ANO2: variants seen among roughly 807,000 people sequenced by gnomAD.
ANO2 encodes anoctamin 2, also known as anoctamin-2.
In ANO2, 101 loss-of-function variants were observed where a neutral mutation model predicts 124.2. That is an observed-to-expected ratio of 0.81 (90% CI 0.69 to 0.96). The LOEUF is 0.96. ANO2 is among the 40% of genes least tolerant of loss of function. ANO2 has a pLI of 0.00. For synonymous variants in ANO2, 486 were observed against 482.5 expected, an observed-to-expected ratio of 1.01 and a Z score of -0.09; for missense variants, 1,293 against 1,274.5, an observed-to-expected ratio of 1.01 and a Z score of -0.22.
intron 23 of ANO2, among the ~76,000 whole-genome samples, chr12:5,575,020 C>T (rs940164390): frequency 6.6e-6 from 1 of 152,140 alleles, no homozygotes; most frequent in Admixed American, 6.6e-5. Flanking sequence ...TATCCAACAG[C>T]CCACATTTGT....
At position 5,612,638 on chromosome 12, in the gene ANO2, G is replaced by C; in HGVS notation, c.2087+18C>G. 1 of 1,606,334 alleles carries C rather than the reference G, an allele frequency of 6.2e-7. No homozygotes were observed. Among genetic ancestry groups the C allele is most frequent in the Non-Finnish European group, 8.5e-7 (1 of 1,173,014 alleles). ...CCCCTGGCAGCAAGGAGAGAGGTTA[G>C]AGGAGTTCATTACATACGGGACTCC... On this transcript the variant is annotated intron_variant, in intron 19 of 24. Coordinates refer to ENST00000682330, the MANE Select transcript of ANO2 (RefSeq NM_001364791.2).
In ANO2 at chr12:5,925,381, A is replaced by C. The variant is rs1050131040; in HGVS notation, c.23-2577T>G. 6.6e-6 allele frequency among the ~76,000 whole-genome samples: 1 copy of C among 152,134 alleles called. No homozygotes were observed. Among genetic ancestry groups the C allele is most frequent in the African/African-American group, 2.4e-5 (1 of 41,412 alleles). ...CCCCGGCTCGCTCTCTGACACACGG[A>C]TCCGGCTGCCTGGGAACTCTGCTTC... On this transcript the variant is annotated intron_variant, in intron 1 of 24. Coordinates refer to ENST00000682330, the MANE Select transcript of ANO2 (RefSeq NM_001364791.2). This position sits in a 1 kb window ranked among gnomAD's most constrained non-coding sequence, Gnocchi z 4.6.
chr12:5,800,501 T>C (rs1953005975), intron 9 of ANO2, among the ~76,000 whole-genome samples: 1 of 152,120 alleles, frequency 6.6e-6, no homozygotes, highest in Non-Finnish European at 1.5e-5. Flanking sequence ...ACTGGAATGG[T>C]CCAGGGAAGA....
intron 3 of ANO2, among the ~76,000 whole-genome samples, chr12:5,864,805 T>G (rs1361915541): frequency 6.6e-6 from 1 of 152,162 alleles, no homozygotes; most frequent in East Asian, 1.9e-4. Flanking sequence ...AATCACAGGA[T>G]CAACCTGTGA....
chr12:5,689,233 T>C (rs866265261), intron 14 of ANO2, among the ~76,000 whole-genome samples: 42 of 152,146 alleles, frequency 2.8e-4, no homozygotes, highest in African/African-American at 9.4e-4. Flanking sequence ...CAGGTACATA[T>C]CTGAGGGAGA....
At chr12:5,775,758 C>T (rs774314110) in intron 10 of ANO2, among the ~76,000 whole-genome samples, 10 of 152,122 alleles carry the variant, frequency 6.6e-5, no homozygotes, top group Non-Finnish European at 1.3e-4. Context: ...TGTGTCAGAA[C>T]AATTTTCTCC....
At chr12:5,570,520 T>C (rs1393321863) in intron 23 of ANO2, among the ~76,000 whole-genome samples, 1 of 151,964 alleles carries the variant, frequency 6.6e-6, no homozygotes, top group Non-Finnish European at 1.5e-5. Context: ...TTTTTACAGA[T>C]GAAAAAACTG....
Position 5,917,611 on chromosome 12 carries a change from A to C in ANO2, c.534+3429T>G, listed in dbSNP as rs1591790077. Reference sequence around the variant, plus strand: ...GAGACAGGGTCTTGCTCTGTCACCCAGGCTGGAGTGTAGTGGTGCCATCTC... The same window carrying C: ...GAGACAGGGTCTTGCTCTGTCACCCCGGCTGGAGTGTAGTGGTGCCATCTC... On this transcript the variant is annotated intron_variant, in intron 3 of 24. Transcript: ENST00000682330. Among the ~76,000 whole-genome samples the C allele has an allele frequency of 3.8e-5, 5 of 132,398 alleles. No individual in the cohort carries two copies. In the Admixed American group the frequency reaches 4.4e-4, roughly 12 times the overall value. 86.9% of individuals were successfully genotyped at this position (132,398 alleles called of 152,430 possible). A position where few individuals can be genotyped will look rare whatever the true frequency, so the allele number is the denominator to read the frequency against.
intron 19 of ANO2, among the ~76,000 whole-genome samples, chr12:5,604,894 C>G (rs1374502888): frequency 1.4e-5 from 2 of 146,516 alleles, no homozygotes; most frequent in Non-Finnish European, 3.0e-5. Context: ...TTGATGTTAC[C>G]CCCCTTGCTT....
chr12:5,897,736 C>T (rs934286003), intron 3 of ANO2, among the ~76,000 whole-genome samples: 4 of 119,902 alleles, frequency 3.3e-5, no homozygotes, highest in African/African-American at 1.6e-4. Context: ...CACATACAGA[C>T]CAAAAAAAAA....
intron 16 of ANO2, among the ~76,000 whole-genome samples, chr12:5,623,830 A>G (rs1945251368): frequency 6.6e-6 from 1 of 152,002 alleles, no homozygotes; most frequent in African/African-American, 2.4e-5. Flanking sequence ...GCAAACAGCA[A>G]TGTTTGCTGA....
chr12:5,583,921 G>T, intron 20 of ANO2: 1 of 221,872 alleles, frequency 4.5e-6, no homozygotes. Context: ...ACCACAGAGT[G>T]TGCCAGCTTC....
intron 10 of ANO2, among the ~76,000 whole-genome samples, chr12:5,795,016 G>T (rs1415945033): frequency 6.6e-6 from 1 of 152,216 alleles, no homozygotes; most frequent in African/African-American, 2.4e-5. Context: ...CCCTCCGGGG[G>T]TGCTCAGATG....
chr12:5,755,758 G>A (rs1951564029), intron 10 of ANO2, among the ~76,000 whole-genome samples: 1 of 152,126 alleles, frequency 6.6e-6, no homozygotes, highest in South Asian at 2.1e-4. Context: ...TGGCTGCATA[G>A]TATTCCATGG....
chr12:5,733,916 TGA>T (rs1358081963), intron 13 of ANO2, among the ~76,000 whole-genome samples: 3 of 152,362 alleles, frequency 2.0e-5, no homozygotes, highest in Non-Finnish European at 2.9e-5. Flanking sequence ...GTTTTGCATG[TGA>T]GAGTCTTCTT....
chr12:5,648,388 C>T (rs1371565321), intron 14 of ANO2, among the ~76,000 whole-genome samples: 1 of 152,204 alleles, frequency 6.6e-6, no homozygotes, highest in Non-Finnish European at 1.5e-5. Context: ...TGCTCCCCCT[C>T]GTCACAAATC....
intron 3 of ANO2, among the ~76,000 whole-genome samples, chr12:5,906,949 C>A (rs1940744980): frequency 6.6e-6 from 1 of 152,162 alleles, no homozygotes; most frequent in Non-Finnish European, 1.5e-5. Flanking sequence ...TGCCCAAGTA[C>A]AGAATGAGAG....
At chr12:5,835,785 T>C (rs958511063) in intron 4 of ANO2, among the ~76,000 whole-genome samples, 11 of 152,132 alleles carry the variant, frequency 7.2e-5, no homozygotes, top group African/African-American at 1.4e-4. Flanking sequence ...CTACCAAACC[T>C]CTCCTTCACA....
chr12:5,805,145 C>T (rs1244263374), intron 9 of ANO2, among the ~76,000 whole-genome samples: 1 of 152,110 alleles, frequency 6.6e-6, no homozygotes, highest in African/African-American at 2.4e-5. Context: ...GCAATCACCA[C>T]AGTATTTCTG....
Sources: allele counts gnomAD v4.1 joint callset (sites outside exome capture counted in the v4.1 genomes callset), GRCh38; gene constraint gnomAD v4.1.1; non-coding constraint Gnocchi (gnomAD v3.1); transcripts MANE v1.5; gene names NCBI Gene and HGNC (gene_info 2026-07-23, HGNC 2026-07-21).